Variants in FOXK1 observed in about 807,000 individuals in gnomAD.
FOXK1 encodes forkhead box K1.
FOXK1 carries 19 observed loss-of-function variants against 51.9 expected under a neutral mutation model. The ratio of observed to expected loss-of-function variants is 0.37; its 90% CI spans 0.26 to 0.54. The LOEUF (loss-of-function observed/expected upper bound fraction) is 0.54, where lower values mean the gene tolerates loss of function less well. Among genes scored for constraint, FOXK1 ranks in the 20% least tolerant of loss-of-function variants. The probability of loss-of-function intolerance (pLI) is 0.87; values close to 1 mark genes in which losing one functional copy is unlikely to be tolerated. For missense variants in FOXK1, 870 were observed against 1,032.7 expected (o/e 0.84, Z 2.16); for synonymous variants, 537 against 482.6 (o/e 1.11, Z -1.48).
At chr7:4,757,312 C>A in intron 5 of FOXK1, 125 bp downstream of exon 5, 1 of 827,746 alleles carries the variant, frequency 1.2e-6, no homozygotes, top group Non-Finnish European at 1.9e-6. Context: ...GGGCATGCAA[C>A]TGATCACAGG....
At chr7:4,754,793 C>G (rs910878307) in intron 3 of FOXK1, 178 bp downstream of exon 3, 82 of 778,454 alleles carry the variant, frequency 1.1e-4, no homozygotes, top group Non-Finnish European at 1.5e-4. Context: ...GTTTTCGTGC[C>G]CAAATCATCC....
chr7:4,742,730 C>T (rs1780651390), intron 2 of FOXK1, among the ~76,000 whole-genome samples: 1 of 152,150 alleles, frequency 6.6e-6, no homozygotes, highest in Admixed American at 6.6e-5. Context: ...ACATGGCCTG[C>T]ACCTTTTCAG....
In FOXK1 at chr7:4,730,634, C is replaced by T. The variant is rs939343037; in HGVS notation, c.561-10204C>T. The stretch of plus-strand genomic sequence containing the variant: ...AGCCGCCACACTTGAGACGTCCTTG[C>T]TGCGGGTTCGTCTGTAACCTGTGTC... On this transcript the variant is annotated intron_variant, in intron 1 of 8. Transcript: ENST00000328914. This position sits in a 1 kb window ranked among gnomAD's most constrained non-coding sequence, Gnocchi z 4.7. Among the ~76,000 whole-genome samples the T allele has an allele frequency of 6.6e-6, 1 of 152,208 alleles. No individual in the cohort carries two copies. Among genetic ancestry groups the T allele is most frequent in the African/African-American group, 2.4e-5 (1 of 41,448 alleles).
intron 1 of FOXK1, among the ~76,000 whole-genome samples, chr7:4,691,220 G>A (rs1026903674): frequency 4.6e-5 from 7 of 152,212 alleles, no homozygotes; most frequent in Non-Finnish European, 8.8e-5. Context: ...CGGATGCTGT[G>A]AAGATGAGTT....
At chr7:4,686,888 A>ATG (rs1305399092) in intron 1 of FOXK1, among the ~76,000 whole-genome samples, 2 of 150,262 alleles carry the variant, frequency 1.3e-5, no homozygotes, top group South Asian at 2.1e-4. Context: ...GTGTGTGCAC[A>ATG]TGTGTGTGTG....
chr7:4,724,634 C>A (rs1287057053), intron 1 of FOXK1, among the ~76,000 whole-genome samples: 1 of 152,244 alleles, frequency 6.6e-6, no homozygotes, highest in African/African-American at 2.4e-5. Flanking sequence ...CCACGGCCCC[C>A]ATCCTAGACT....
At chr7:4,702,544 C>T (rs551333089) in intron 1 of FOXK1, among the ~76,000 whole-genome samples, 2 of 152,244 alleles carry the variant, frequency 1.3e-5, no homozygotes, top group South Asian at 2.1e-4. Context: ...AGGGTTTCAC[C>T]ATGTTGGCCA....
At chr7:4,737,541 T>C (rs932230234) in intron 1 of FOXK1, among the ~76,000 whole-genome samples, 1 of 132,880 alleles carries the variant, frequency 7.5e-6, no homozygotes, top group African/African-American at 3.0e-5. Flanking sequence ...TTCATGCACG[T>C]GTGTGCGTGC....
At chr7:4,688,423 C>T (rs572464278) in intron 1 of FOXK1, among the ~76,000 whole-genome samples, 54 of 150,476 alleles carry the variant, frequency 3.6e-4, no homozygotes, top group Non-Finnish European at 6.5e-4. Flanking sequence ...TTTTTTGAGA[C>T]GGAGTCTCGC....
chr7:4,697,713 G>C (rs1197084293), intron 1 of FOXK1, among the ~76,000 whole-genome samples: 1 of 148,168 alleles, frequency 6.7e-6, no homozygotes, highest in Non-Finnish European at 1.5e-5. Context: ...TTTTCTAAAG[G>C]TTAGTGTTTA....
rs1019869722 is a variant in FOXK1, at chr7:4,703,348, G to A, written c.560+20480G>A. Among the ~76,000 whole-genome samples the A allele has an allele frequency of 1.3e-5, 2 of 152,172 alleles. No homozygotes were observed. The highest frequency in any genetic ancestry group is 1.9e-4 in the East Asian group (1 of 5,192). On this transcript the variant is annotated intron_variant, in intron 1 of 8. Coordinates refer to ENST00000328914, the MANE Select transcript of FOXK1 (RefSeq NM_001037165.2). This position sits in a 1 kb window ranked among gnomAD's most constrained non-coding sequence, Gnocchi z 5.6. ...ATTTAGGACATGGAGTGGGTAGGGC[G>A]TTGTGACAGCCTGGCTCTCAGGGGA...
rs113906586 is a variant in FOXK1 at position 4,758,796 on chromosome 7, C to G, written c.1245-255C>G. On this transcript the variant is annotated intron_variant, in intron 5 of 8. Transcript: ENST00000328914. The surrounding 1 kb of genome is among the most constrained non-coding windows in gnomAD (Gnocchi z 4.4). ...TGGAAGTGAACTCCGTAGGTTGTTG[C>G]GTTCACTGCAGCACCTCACATGATA... The G allele has an allele frequency of 4.1e-6, 2 of 484,098 alleles. No individual in the cohort carries two copies. The highest frequency in any genetic ancestry group is 3.6e-5 in the East Asian group (1 of 28,124). The allele number at this position is 484,098 out of a possible 1,614,324, so 30.0% of individuals were successfully genotyped here.
At chr7:4,718,561 A>G (rs1780267730) in intron 1 of FOXK1, among the ~76,000 whole-genome samples, 1 of 152,178 alleles carries the variant, frequency 6.6e-6, no homozygotes, top group African/African-American at 2.4e-5. Flanking sequence ...GCTGTGAGCA[A>G]CCATGCTTAG....
Position 4,747,412 on chromosome 7 carries a change from T to TC in FOXK1, c.746+6389_746+6390insC, listed in dbSNP as rs1181296500. Among the ~76,000 whole-genome samples the TC allele has an allele frequency of 3.7e-4, 57 of 152,374 alleles. No individual in the cohort carries two copies. The highest frequency in any genetic ancestry group is 1.3e-3 in the African/African-American group (56 of 41,598). On this transcript the variant is annotated intron_variant, in intron 2 of 8. Transcript: ENST00000328914. The surrounding 1 kb of genome is among the most constrained non-coding windows in gnomAD (Gnocchi z 9.2). ...ATGCCTAACATGAGAGCAGCTCCTG[T>TC]TGAAGCCACCATGCTGGTTATTCTC...
chr7:4,734,146 A>G lies in FOXK1; in HGVS notation c.561-6692A>G, dbSNP rs1413139155. Among the ~76,000 whole-genome samples, 2 of 152,180 alleles carry G rather than the reference A, an allele frequency of 1.3e-5. No homozygotes were observed. The highest frequency in any genetic ancestry group is 2.9e-5 in the Non-Finnish European group (2 of 68,022). Reference sequence around the variant, plus strand: ...CAGCTCCTAGAAGACACGCGACTCCACAGCAGTTAGGAGACAGCAGATGCA... The same window carrying G: ...CAGCTCCTAGAAGACACGCGACTCCGCAGCAGTTAGGAGACAGCAGATGCA... On this transcript the variant is annotated intron_variant, in intron 1 of 8. Transcript: ENST00000328914. This position sits in a 1 kb window ranked among gnomAD's most constrained non-coding sequence, Gnocchi z 5.2.
chr7:4,726,496 C>G (rs1197486538), intron 1 of FOXK1, among the ~76,000 whole-genome samples: 3 of 152,174 alleles, frequency 2.0e-5, no homozygotes, highest in African/African-American at 7.2e-5. Flanking sequence ...GTGGCACGTG[C>G]CTGTAGTCTC....
chr7:4,742,128 C>A (rs984433486), intron 2 of FOXK1, among the ~76,000 whole-genome samples: 1 of 152,268 alleles, frequency 6.6e-6, no homozygotes, highest in African/African-American at 2.4e-5. Context: ...GTTTCTGCGT[C>A]GCTCGCGCGT....
Position 4,749,111 on chromosome 7 carries a change from C to T in FOXK1, c.747-5348C>T, listed in dbSNP as rs1468976658. On this transcript the variant is annotated intron_variant, in intron 2 of 8. Coordinates refer to ENST00000328914, the MANE Select transcript of FOXK1 (RefSeq NM_001037165.2). The surrounding 1 kb of genome is among the most constrained non-coding windows in gnomAD (Gnocchi z 6.0). ...TCTCCAGTCTCTCCTTCCACCCTTT[C>T]TTGGATTTGTATTTCTCTTCTTTTG... is the stretch of plus-strand genomic sequence containing the variant. Among the ~76,000 whole-genome samples, 1 of 152,208 alleles carries T rather than the reference C, an allele frequency of 6.6e-6. No individual in the cohort carries two copies. Among genetic ancestry groups the T allele is most frequent in the South Asian group, 2.1e-4 (1 of 4,826 alleles).
Position 4,683,142 on chromosome 7 carries a change from C to G in FOXK1, c.560+274C>G, listed in dbSNP as rs534493364. Among the ~76,000 whole-genome samples, 496 of 152,124 alleles carry G rather than the reference C, an allele frequency of 3.3e-3. 4 individuals carry two copies. Among genetic ancestry groups the G allele is most frequent in the African/African-American group, 0.011 (449 of 41,504 alleles). On this transcript the variant is annotated intron_variant, in intron 1 of 8. Coordinates refer to ENST00000328914, the MANE Select transcript of FOXK1 (RefSeq NM_001037165.2). This position sits in a 1 kb window ranked among gnomAD's most constrained non-coding sequence, Gnocchi z 4.5. ...TCTGGATACCCCGTCGCCCCCGACCCCCACCGGCCTGGACTCTGGGGTCAG... is the reference window on the plus strand; with the variant it reads ...TCTGGATACCCCGTCGCCCCCGACCGCCACCGGCCTGGACTCTGGGGTCAG...
Sources: allele counts gnomAD v4.1 joint callset (sites outside exome capture counted in the v4.1 genomes callset), GRCh38; gene constraint gnomAD v4.1.1; non-coding constraint Gnocchi (gnomAD v3.1); transcripts MANE v1.5; gene names NCBI Gene and HGNC (gene_info 2026-07-23, HGNC 2026-07-21).